The following INPP5B variants were observed in gnomAD, a reference collection of about 807,000 sequenced individuals.
INPP5B encodes the protein type II inositol 1,4,5-trisphosphate 5-phosphatase.
INPP5B carries 90 observed loss-of-function variants against 118.5 expected under a neutral mutation model. The observed-to-expected ratio is 0.76, with a 90% CI of 0.64 to 0.90. INPP5B has a LOEUF of 0.90. INPP5B is among the 40% of genes least tolerant of loss of function. The pLI is 0.00. For missense variants in INPP5B, 984 were observed against 1,125.6 expected (o/e 0.87, Z 1.80); for synonymous variants, 385 against 418.9 (o/e 0.92, Z 0.99).
chr1:37,926,033 A>C (rs1373313281), intron 7 of INPP5B, among the ~76,000 whole-genome samples: 1 of 152,214 alleles, frequency 6.6e-6, no homozygotes, highest in African/African-American at 2.4e-5. Context: ...TATGTTGGTC[A>C]CACAAGTTTT....
chr1:37,928,884 T>C (rs1050152374), intron 7 of INPP5B: 3 of 151,862 alleles, frequency 2.0e-5, no homozygotes, highest in African/African-American at 7.3e-5. Context: ...AAAAAACAAA[T>C]CTACTACTCC....
chr1:37,898,423 C>T (rs781749759), intron 7 of INPP5B, among the ~76,000 whole-genome samples: 6 of 152,156 alleles, frequency 3.9e-5, no homozygotes, highest in Non-Finnish European at 5.9e-5. Context: ...GGGCTGGGCA[C>T]GGTGGCGCAC....
intron 20 of INPP5B, among the ~76,000 whole-genome samples, chr1:37,868,261 C>T (rs1004535171): frequency 1.4e-5 from 2 of 141,464 alleles, no homozygotes; most frequent in Non-Finnish European, 3.0e-5. Flanking sequence ...TGCAGTGAGT[C>T]AAGATCGCAC....
intron 3 of INPP5B, among the ~76,000 whole-genome samples, chr1:37,944,466 C>G (rs563411271): frequency 6.6e-6 from 1 of 152,090 alleles, no homozygotes; most frequent in Admixed American, 6.5e-5. Context: ...CTATATTGCC[C>G]AGGCTGGTCT....
At chr1:37,917,308 T>TTATATATATATATATATACATATA (rs1644904077) in intron 7 of INPP5B, among the ~76,000 whole-genome samples, 1 of 92,796 alleles carries the variant, frequency 1.1e-5, no homozygotes, top group Non-Finnish European at 2.0e-5. Context: ...AAAAAAATAA[T>TTATATATATATATATATACATATA]TATATATATA....
At chr1:37,865,537 G>A (rs1557613481) in intron 22 of INPP5B, among the ~76,000 whole-genome samples, 2 of 152,284 alleles carry the variant, frequency 1.3e-5, no homozygotes, top group Non-Finnish European at 2.9e-5. Flanking sequence ...TGGGAGGCAA[G>A]GAGAGGGTGG....
At chr1:37,887,731 C>T (rs56023437) in intron 10 of INPP5B, among the ~76,000 whole-genome samples, 31,498 of 152,072 alleles carry the variant, frequency 0.21, 4,125 homozygotes, top group Non-Finnish European at 0.28. Context: ...CTAGTTCACA[C>T]AAGCACCAAG....
At chr1:37,874,442 T>C (rs1642662481) in intron 17 of INPP5B, among the ~76,000 whole-genome samples, 1 of 152,104 alleles carries the variant, frequency 6.6e-6, no homozygotes, top group African/African-American at 2.4e-5. Context: ...CTTCACAAAT[T>C]CCACTTCTAA....
chr1:37,878,867 C>G (rs868307385), intron 15 of INPP5B, among the ~76,000 whole-genome samples: 54 of 149,340 alleles, frequency 3.6e-4, no homozygotes, highest in African/African-American at 1.2e-3. Flanking sequence ...CCAGGCTGGT[C>G]TTGAACTCCT....
chr1:37,937,833 T>C (rs1374471075), intron 6 of INPP5B, among the ~76,000 whole-genome samples: 1 of 151,878 alleles, frequency 6.6e-6, no homozygotes, highest in African/African-American at 2.4e-5. Flanking sequence ...CCAGGCATAG[T>C]GGCAGGTGCC....
chr1:37,864,414 T>G lies in INPP5B; in HGVS notation c.2524A>C (p.Thr842Pro). Residue 842 changes from threonine to proline, a missense_variant, in exon 23 of 24, where the codon ACT becomes CCT. Thr to Pro is a conservative substitution (Grantham distance 38, BLOSUM62 -1). Transcript: ENST00000373024. ...ACATTTTTGTGGAATATGGGGAGAG[T>G]AGAAATGACCTGAAAGAGGAAGAAC... ...NYTASKQVISTLPIFHKNVFH... is the reference protein window; with the variant it reads ...NYTASKQVISPLPIFHKNVFH... The G allele has an allele frequency of 7.5e-6, 12 of 1,598,096 alleles. No individual in the cohort carries two copies. The highest frequency in any genetic ancestry group is 1.0e-5 in the Non-Finnish European group (12 of 1,166,046).
intron 14 of INPP5B, among the ~76,000 whole-genome samples, chr1:37,880,810 C>T (rs1014898488): frequency 2.3e-4 from 35 of 152,340 alleles, no homozygotes; most frequent in African/African-American, 7.9e-4. Context: ...ACTACAGCCT[C>T]CATCTCCTGG....
At chr1:37,910,103 C>A (rs929903670) in intron 7 of INPP5B, among the ~76,000 whole-genome samples, 5 of 152,224 alleles carry the variant, frequency 3.3e-5, no homozygotes, top group Admixed American at 1.3e-4. Flanking sequence ...CTTCCCAGAT[C>A]GTCTCAGCTT....
At chr1:37,887,516 GA>G in intron 10 of INPP5B, 51 bp from the exon 11 acceptor site, 1 of 1,074,778 alleles carries the variant, frequency 9.3e-7, no homozygotes, top group Non-Finnish European at 1.4e-6. Context: ...ATGTGCAAAT[GA>G]CACATTCTCA....
At chr1:37,906,992 G>A (rs759173212) in intron 7 of INPP5B, among the ~76,000 whole-genome samples, 1 of 152,130 alleles carries the variant, frequency 6.6e-6, no homozygotes, top group Non-Finnish European at 1.5e-5. Flanking sequence ...AGTGATCTCT[G>A]GTGCAGCTCA....
At chr1:37,931,711 A>G (rs1645473586) in intron 7 of INPP5B, 2 of 1,548,802 alleles carry the variant, frequency 1.3e-6, no homozygotes, top group African/African-American at 1.4e-5. Flanking sequence ...GGCGGCAGAC[A>G]TTTCCCTGCC....
At chr1:37,917,697 C>G (rs966078466) in intron 7 of INPP5B, among the ~76,000 whole-genome samples, 1 of 152,004 alleles carries the variant, frequency 6.6e-6, no homozygotes, top group African/African-American at 2.4e-5. Context: ...TGGGAGTTCA[C>G]GATGGGAGGA....
chr1:37,919,879 T>C (rs1356435181), intron 7 of INPP5B, among the ~76,000 whole-genome samples: 1 of 151,960 alleles, frequency 6.6e-6, no homozygotes, highest in Non-Finnish European at 1.5e-5. Flanking sequence ...GAGGCAGAGG[T>C]TGCAGTGAGC....
At chr1:37,945,535 C>T (rs1233230436) in intron 3 of INPP5B, among the ~76,000 whole-genome samples, 1 of 152,256 alleles carries the variant, frequency 6.6e-6, no homozygotes, top group Non-Finnish European at 1.5e-5. Context: ...GTATGTTAAA[C>T]TGTCTCTTCT....
Sources: gnomAD v4.1 joint callset for allele counts (sites outside exome capture counted in the v4.1 genomes callset) on GRCh38, gnomAD v4.1.1 for gene constraint, MANE v1.5 for transcripts, NCBI Gene and HGNC (gene_info 2026-07-23, HGNC 2026-07-21) for gene names.